Variants in NEURL1 observed in about 807,000 individuals in gnomAD.
NEURL1 encodes E3 ubiquitin-protein ligase NEURL1.
NEURL1 carries 26 observed loss-of-function variants against 41.2 expected under a neutral mutation model. The observed-to-expected ratio is 0.63, with a 90% CI of 0.46 to 0.87. NEURL1 has a LOEUF of 0.87. NEURL1 is among the 40% of genes least tolerant of loss of function. NEURL1 has a pLI of 0.00. For missense variants in NEURL1, 761 were observed against 871.1 expected (o/e 0.87, Z 1.59); for synonymous variants, 400 against 402.3 (o/e 0.99, Z 0.07).
chr10:103,575,587 T>C (rs1311415498), intron 3 of NEURL1, among the ~76,000 whole-genome samples: 1 of 151,964 alleles, frequency 6.6e-6, no homozygotes, highest in East Asian at 1.9e-4. Context: ...CAGGGGCTGG[T>C]GTCTCTCCCC....
Position 103,540,965 on chromosome 10 carries a change from A to G in NEURL1, c.86-29907A>G, listed in dbSNP as rs544301763. ...ACATGGGGATGCCCTCTAGGCATGT[A>G]AGTGAAACAACAGGGATGGATTTCA... On this transcript the variant is annotated intron_variant, in intron 1 of 5. Coordinates refer to ENST00000369780, the MANE Select transcript of NEURL1 (RefSeq NM_004210.5). 1.2e-4 allele frequency among the ~76,000 whole-genome samples: 19 copies of G among 152,364 alleles called. No individual in the cohort carries two copies. In the South Asian group the frequency reaches 2.1e-3, roughly 17 times the overall value.
intron 1 of NEURL1, among the ~76,000 whole-genome samples, chr10:103,495,243 C>T (rs1184768383): frequency 1.3e-5 from 2 of 152,200 alleles, no homozygotes; most frequent in Admixed American, 1.3e-4. Context: ...CTGCTGGGTC[C>T]TCCCGGGCCC....
chr10:103,551,116 C>T (rs771218478), intron 1 of NEURL1, among the ~76,000 whole-genome samples: 28 of 152,030 alleles, frequency 1.8e-4, no homozygotes, highest in Non-Finnish European at 5.9e-5. Context: ...TCTGGAACTG[C>T]CTGTTACCCC....
At chr10:103,543,214 C>T (rs993644449) in intron 1 of NEURL1, among the ~76,000 whole-genome samples, 2 of 152,302 alleles carry the variant, frequency 1.3e-5, no homozygotes, top group African/African-American at 4.8e-5. Context: ...TCTGCTGCCT[C>T]CAGGGAAGAT....
At chr10:103,560,593 C>T (rs995918860) in intron 1 of NEURL1, among the ~76,000 whole-genome samples, 9 of 152,194 alleles carry the variant, frequency 5.9e-5, no homozygotes, top group Non-Finnish European at 8.8e-5. Flanking sequence ...CAGGACCTGC[C>T]GTTCGCATGC....
In NEURL1 at chr10:103,584,687, G is replaced by A. The variant is rs1236152932; in HGVS notation, c.801G>A (p.Pro267=). The A allele has an allele frequency of 9.1e-6, 13 of 1,433,816 alleles. No homozygotes were observed. The highest frequency in any genetic ancestry group is 1.5e-5 in the African/African-American group (1 of 67,208). The allele number at this position is 1,433,816 out of a possible 1,614,324, so 88.8% of individuals were successfully genotyped here. The change falls in exon 4 of 6, where the codon CCG becomes CCA. Residue 267 remains proline, a synonymous_variant. Transcript: ENST00000369780. ...VPGADGDEAA[P]AAGCPIPQNS... The stretch of plus-strand genomic sequence containing the variant: ...GCGCGGACGGCGACGAGGCCGCGCC[G>A]GCCGCCGGCTGCCCCATCCCGCAGA...
chr10:103,512,720 G>T (rs1391654647), intron 1 of NEURL1, among the ~76,000 whole-genome samples: 1 of 152,198 alleles, frequency 6.6e-6, no homozygotes, highest in Admixed American at 6.5e-5. Flanking sequence ...GGGCAGGTAT[G>T]TGTGGAGGGA....
chr10:103,554,156 A>T (rs1010754999), intron 1 of NEURL1, among the ~76,000 whole-genome samples: 1 of 152,216 alleles, frequency 6.6e-6, no homozygotes. Context: ...ATGCCTGCCC[A>T]GGGCTGGAGG....
chr10:103,561,586 C>A lies in NEURL1; in HGVS notation c.86-9286C>A, dbSNP rs563580144. 1.1e-4 allele frequency among the ~76,000 whole-genome samples: 17 copies of A among 152,192 alleles called. No homozygotes were observed. In the South Asian group the frequency reaches 3.3e-3, roughly 30 times the overall value. On this transcript the variant is annotated intron_variant, in intron 1 of 5. Coordinates refer to ENST00000369780, the MANE Select transcript of NEURL1 (RefSeq NM_004210.5). ...CCACTTCCTCTGTATTCTATTCATT[C>A]GAAGCTACTTGTTAGGCCCAACCCA...
Position 103,494,060 on chromosome 10 carries a change from A to C in NEURL1, c.-328A>C. 1.4e-5 allele frequency: 3 copies of C among 209,284 alleles called. No individual in the cohort carries two copies. The highest frequency in any genetic ancestry group is 1.6e-3 in the Middle Eastern group (1 of 618). 13.0% of individuals were successfully genotyped at this position (209,284 alleles called of 1,614,324 possible). On this transcript the variant is annotated 5_prime_UTR_variant, in exon 1 of 6. Coordinates refer to ENST00000369780, the MANE Select transcript of NEURL1 (RefSeq NM_004210.5). The stretch of plus-strand genomic sequence containing the variant: ...GCCGCGCCGCCCACCCCCAGCCGGA[A>C]CCCTAGCGTCCCGGGGAGCAAGCGG...
chr10:103,586,971 A>G (rs538466411), intron 4 of NEURL1, among the ~76,000 whole-genome samples: 1 of 152,248 alleles, frequency 6.6e-6, no homozygotes, highest in East Asian at 1.9e-4. Flanking sequence ...GAATCACTTG[A>G]ACCTGGGAGG....
chr10:103,506,563 G>A (rs1404795930), intron 1 of NEURL1, among the ~76,000 whole-genome samples: 1 of 150,676 alleles, frequency 6.6e-6, no homozygotes, highest in South Asian at 2.1e-4. Flanking sequence ...TCTGCTGTCT[G>A]CTTTTTTTTT....
At chr10:103,530,282 A>G (rs532877184) in intron 1 of NEURL1, among the ~76,000 whole-genome samples, 1 of 148,524 alleles carries the variant, frequency 6.7e-6, no homozygotes, top group South Asian at 2.1e-4. Context: ...GAGATACTTC[A>G]CTAGATTTTT....
At chr10:103,579,396 CAGAG>C (rs1273274600) in intron 3 of NEURL1, among the ~76,000 whole-genome samples, 2 of 152,184 alleles carry the variant, frequency 1.3e-5, no homozygotes, top group African/African-American at 2.4e-5. Context: ...AGAGAAGACT[CAGAG>C]GGAGCCCCAA....
intron 3 of NEURL1, 90 bp from the exon 4 acceptor site, chr10:103,584,446 A>T: frequency 1.2e-6 from 1 of 824,774 alleles, no homozygotes; most frequent in Non-Finnish European, 1.7e-6. Context: ...CCGGGATTGT[A>T]ACGGTGCGCG....
chr10:103,585,641 T>C (rs1056100242), intron 4 of NEURL1, among the ~76,000 whole-genome samples: 2 of 152,132 alleles, frequency 1.3e-5, no homozygotes, highest in African/African-American at 4.8e-5. Context: ...AAGACCATCC[T>C]GGCTAACACG....
chr10:103,509,200 C>T (rs950663697), intron 1 of NEURL1, among the ~76,000 whole-genome samples: 3 of 149,768 alleles, frequency 2.0e-5, no homozygotes, highest in Non-Finnish European at 3.0e-5. Context: ...CCACTGCACT[C>T]CAGCAGCCTG....
At chr10:103,555,482 G>A in intron 1 of NEURL1, 1 of 1,262,920 alleles carries the variant, frequency 7.9e-7, no homozygotes, top group Non-Finnish European at 1.0e-6. Flanking sequence ...GCCGGGCGGA[G>A]GGGCGCTGGG....
In NEURL1 at chr10:103,570,934, C is replaced by G. The variant is rs1167982855; in HGVS notation, c.148C>G (p.Pro50Ala). 6.2e-7 allele frequency: 1 copy of G among 1,613,964 alleles called. No homozygotes were observed. The highest frequency in any genetic ancestry group is 8.5e-7 in the Non-Finnish European group (1 of 1,180,016). ...HRCHHKQKHC[P>A]AVLPSGGLPA... The stretch of plus-strand genomic sequence containing the variant: ...ATGCCACCACAAGCAGAAGCACTGT[C>G]CGGCAGTGCTGCCCAGCGGGGGGCT... Residue 50 changes from proline (P) to alanine (A), a missense_variant, in exon 2 of 6, where the codon CCG (proline) becomes GCG (alanine). Around this residue, in one of 5 missense-constraint regions of NEURL1, gnomAD observed 94 missense variants for 96.6 expected, o/e 0.97. Transcript: ENST00000369780.
Sources: allele counts gnomAD v4.1 joint callset (sites outside exome capture counted in the v4.1 genomes callset), GRCh38; gene constraint gnomAD v4.1.1; regional missense constraint gnomAD v4.1.1; transcripts MANE v1.5; gene names NCBI Gene and HGNC (gene_info 2026-07-23, HGNC 2026-07-21).